DRC11: variants seen among roughly 807,000 people sequenced by gnomAD.
DRC11 encodes the protein IQ and AAA domain-containing protein 1.
chr2:236,331,427 C>T, the DRC11 span: 1 of 1,613,954 alleles, frequency 6.2e-7, no homozygotes, highest in Non-Finnish European at 8.5e-7. The surrounding 1 kb of genome is among the most constrained non-coding windows in gnomAD (Gnocchi z 4.8). Context: ...AACTCAACTG[C>T]AGTGAGAGGT....
the DRC11 span, among the ~76,000 whole-genome samples, chr2:236,490,933 T>C: frequency 6.8e-6 from 1 of 147,136 alleles, no homozygotes; most frequent in African/African-American, 2.6e-5. This position sits in a 1 kb window ranked among gnomAD's most constrained non-coding sequence, Gnocchi z 5.5. Context: ...TATGTGTATA[T>C]ATATGAGTGT....
the DRC11 span, among the ~76,000 whole-genome samples, chr2:236,459,616 A>ATATAC: frequency 3.0e-4 from 39 of 130,876 alleles, 2 homozygotes; most frequent in African/African-American, 1.0e-3. Flanking sequence ...TACGTATATA[A>ATATAC]GTATATACAT....
At chr2:236,435,298 AC>A in the DRC11 span, among the ~76,000 whole-genome samples, 1 of 152,370 alleles carries the variant, frequency 6.6e-6, no homozygotes, top group East Asian at 1.9e-4. Flanking sequence ...GCAGACGTGA[AC>A]AGCATCCATG....
At chr2:236,309,232 G>A in the DRC11 span, among the ~76,000 whole-genome samples, 1 of 152,174 alleles carries the variant, frequency 6.6e-6, no homozygotes, top group Non-Finnish European at 1.5e-5. The surrounding 1 kb of genome is among the most constrained non-coding windows in gnomAD (Gnocchi z 5.7). Flanking sequence ...GGCCCTGTCA[G>A]TCCACACTTC....
chr2:236,396,892 C>T, the DRC11 span, among the ~76,000 whole-genome samples: 1 of 152,318 alleles, frequency 6.6e-6, no homozygotes, highest in African/African-American at 2.4e-5. Context: ...CTTGGCATTG[C>T]ACTGTGAGAA....
chr2:236,493,902 G>A, the DRC11 span: 1 of 1,574,036 alleles, frequency 6.4e-7, no homozygotes, highest in South Asian at 1.2e-5. Flanking sequence ...AGAAGAGAAA[G>A]AATAAAAAAG....
At chr2:236,389,378 A>C in the DRC11 span, among the ~76,000 whole-genome samples, 3 of 152,132 alleles carry the variant, frequency 2.0e-5, no homozygotes, top group Non-Finnish European at 4.4e-5. Context: ...ACCGTTTTTT[A>C]AGCCCGTCGG....
the DRC11 span, among the ~76,000 whole-genome samples, chr2:236,312,156 A>G: frequency 6.6e-6 from 1 of 152,214 alleles, no homozygotes; most frequent in Non-Finnish European, 1.5e-5. Flanking sequence ...ATAAGGATTT[A>G]GTACAAAAAT....
the DRC11 span, among the ~76,000 whole-genome samples, chr2:236,495,831 G>A: frequency 2.0e-5 from 3 of 152,150 alleles, no homozygotes; most frequent in Non-Finnish European, 4.4e-5. This position sits in a 1 kb window ranked among gnomAD's most constrained non-coding sequence, Gnocchi z 5.6. Flanking sequence ...AAGGCTTCCT[G>A]GATGCCATCT....
At chr2:236,397,560 G>A in the DRC11 span, among the ~76,000 whole-genome samples, 21 of 152,240 alleles carry the variant, frequency 1.4e-4, no homozygotes, top group Non-Finnish European at 2.8e-4. The surrounding 1 kb of genome is among the most constrained non-coding windows in gnomAD (Gnocchi z 5.0). Context: ...CTCTTCGGAA[G>A]AAAACAAATT....
the DRC11 span, among the ~76,000 whole-genome samples, chr2:236,448,953 G>A: frequency 3.3e-5 from 5 of 151,520 alleles, no homozygotes; most frequent in African/African-American, 9.7e-5. This position sits in a 1 kb window ranked among gnomAD's most constrained non-coding sequence, Gnocchi z 5.3. Flanking sequence ...TCCGCCTCCC[G>A]GGTTCAAACG....
the DRC11 span, among the ~76,000 whole-genome samples, chr2:236,482,409 T>C: frequency 6.6e-6 from 1 of 152,184 alleles, no homozygotes; most frequent in Non-Finnish European, 1.5e-5. The surrounding 1 kb of genome is among the most constrained non-coding windows in gnomAD (Gnocchi z 4.5). Flanking sequence ...AAAACAGAAA[T>C]ATAACTTAAG....
the DRC11 span, among the ~76,000 whole-genome samples, chr2:236,378,381 A>G: frequency 6.6e-6 from 1 of 152,206 alleles, no homozygotes; most frequent in Non-Finnish European, 1.5e-5. Context: ...AATGATATTA[A>G]GAAGGTCTGA....
chr2:236,342,730 G>A, the DRC11 span, among the ~76,000 whole-genome samples: 1 of 152,202 alleles, frequency 6.6e-6, no homozygotes, highest in Non-Finnish European at 1.5e-5. The surrounding 1 kb of genome is among the most constrained non-coding windows in gnomAD (Gnocchi z 5.8). Flanking sequence ...ACTGGGGGTG[G>A]GAGGTGGAGG....
the DRC11 span, chr2:236,497,259 C>CA: frequency 1.2e-6 from 2 of 1,613,788 alleles, no homozygotes; most frequent in East Asian, 4.5e-5. The surrounding 1 kb of genome is among the most constrained non-coding windows in gnomAD (Gnocchi z 5.1). Flanking sequence ...GGATGCGGCC[C>CA]ATCACCCCGT....
chr2:236,451,415 T>C, the DRC11 span, among the ~76,000 whole-genome samples: 1 of 152,078 alleles, frequency 6.6e-6, no homozygotes, highest in South Asian at 2.1e-4. Context: ...TAAAAAATAC[T>C]TGGTTTTTCA....
the DRC11 span, among the ~76,000 whole-genome samples, chr2:236,355,745 C>CTG: frequency 1.9e-4 from 20 of 107,900 alleles, no homozygotes; most frequent in African/African-American, 5.9e-4. Context: ...CTCTCTCTCT[C>CTG]TCTCTGTGTG....
At chr2:236,505,979 A>G in the DRC11 span, among the ~76,000 whole-genome samples, 3 of 152,132 alleles carry the variant, frequency 2.0e-5, no homozygotes, top group Non-Finnish European at 2.9e-5. Context: ...CTCTCCCCCT[A>G]CATTCACTTG....
the DRC11 span, among the ~76,000 whole-genome samples, chr2:236,443,007 G>T: frequency 6.6e-6 from 1 of 152,270 alleles, no homozygotes; most frequent in East Asian, 1.9e-4. The surrounding 1 kb of genome is among the most constrained non-coding windows in gnomAD (Gnocchi z 4.4). Context: ...CCTCACAGGT[G>T]TTTCTTGGAG....
Sources: gnomAD v4.1 joint callset for allele counts (sites outside exome capture counted in the v4.1 genomes callset) on GRCh38, gnomAD v4.1.1 for gene constraint, Gnocchi (gnomAD v3.1) non-coding constraint, MANE v1.5 for transcripts, NCBI Gene and HGNC (gene_info 2026-07-23, HGNC 2026-07-21) for gene names.